The following GNAS variants were observed in gnomAD, a reference collection of about 807,000 sequenced individuals.
GNAS encodes the protein GNAS complex locus.
GNAS carries 8 observed loss-of-function variants against 54.5 expected under a neutral mutation model. The observed-to-expected ratio is 0.15, with a 90% CI of 0.09 to 0.26. GNAS has a LOEUF of 0.26. Ranked by LOEUF, GNAS falls within the 10% of genes least tolerant of loss-of-function variation. The pLI is 1.00. For synonymous variants in GNAS, 204 were observed against 191.4 expected, an observed-to-expected ratio of 1.07 and a Z score of -0.54; for missense variants, 170 against 529.8, an observed-to-expected ratio of 0.32 and a Z score of 6.67.
chr20:58,855,754 C>T (rs553421103), intron 1 of GNAS: 9 of 619,846 alleles, frequency 1.5e-5, no homozygotes, highest in Non-Finnish European at 2.6e-5. Flanking sequence ...CCCCGCCTCG[C>T]CTGGCACGGC....
chr20:58,865,279 G>A (rs1315798065), intron 1 of GNAS, among the ~76,000 whole-genome samples: 5 of 151,522 alleles, frequency 3.3e-5, no homozygotes, highest in African/African-American at 9.7e-5. Context: ...TTAGCCGGGC[G>A]TGGTGGCGGG....
chr20:58,903,875 A>C, intron 5 of GNAS, 84 bp downstream of exon 5: 1 of 1,436,438 alleles, frequency 7.0e-7, no homozygotes, highest in Non-Finnish European at 9.8e-7. Context: ...ACAGCCCTGC[A>C]CATGGGCAGG....
In GNAS at chr20:58,909,344, T is replaced by C. The variant is rs777078515; in HGVS notation, c.586-6T>C. ...GTGAGATCCATTGACCTCAATTTTG[T>C]TTCAGGACCTGCTTCGCTGCCGTGT... On this transcript the variant is annotated splice_polypyrimidine_tract_variant and splice_region_variant and intron_variant, in intron 7 of 12. Coordinates refer to ENST00000371085, the MANE Select transcript of GNAS (RefSeq NM_000516.7). The surrounding 1 kb of genome is among the most constrained non-coding windows in gnomAD (Gnocchi z 7.3). 1 of 1,612,842 alleles carries C rather than the reference T, an allele frequency of 6.2e-7. No homozygotes were observed. The highest frequency in any genetic ancestry group is 1.7e-5 in the Admixed American group (1 of 60,028).
chr20:58,900,201 A>G (rs1389594632), intron 3 of GNAS: 2 of 558,242 alleles, frequency 3.6e-6, no homozygotes, highest in Non-Finnish European at 6.4e-6. Flanking sequence ...TCTATAAGAA[A>G]TGACTAATTG....
At chr20:58,870,874 G>A (rs144768203) in intron 1 of GNAS, among the ~76,000 whole-genome samples, 13 of 152,238 alleles carry the variant, frequency 8.5e-5, no homozygotes, top group African/African-American at 3.1e-4. Context: ...TGTATTTATT[G>A]TTAAAATGAC....
intron 1 of GNAS, among the ~76,000 whole-genome samples, chr20:58,875,724 G>A (rs1186908454): frequency 2.0e-5 from 3 of 152,226 alleles, no homozygotes; most frequent in South Asian, 2.1e-4. Context: ...GGTTCAGATC[G>A]TAGCCTTCAG....
intron 1 of GNAS, chr20:58,855,153 G>A (rs1027570021): frequency 6.2e-7 from 1 of 1,612,856 alleles, no homozygotes. Flanking sequence ...CCAGCCCAAA[G>A]CCTCGCGCTC....
intron 1 of GNAS, among the ~76,000 whole-genome samples, chr20:58,881,238 C>T (rs752450837): frequency 3.3e-5 from 5 of 152,188 alleles, no homozygotes; most frequent in Non-Finnish European, 7.3e-5. Context: ...AGGGTCATTT[C>T]GGCTTTTCTA....
At chr20:58,889,475 C>G, upstream of GNAS, 1 of 367,670 alleles carries the variant, frequency 2.7e-6, no homozygotes, top group Non-Finnish European at 3.8e-6. Context: ...GGGGCGCCTC[C>G]GGGCACCCCC....
chr20:58,846,456 A>G (rs2085943934), intron 1 of GNAS, among the ~76,000 whole-genome samples: 1 of 152,220 alleles, frequency 6.6e-6, no homozygotes, highest in African/African-American at 2.4e-5. Context: ...ACCTGGTCCA[A>G]AAATTCCAAT....
At chr20:58,905,255 G>A in intron 5 of GNAS, 128 bp from the exon 6 acceptor site, 1 of 701,728 alleles carries the variant, frequency 1.4e-6, no homozygotes, top group African/African-American at 1.7e-5. Flanking sequence ...TCATTAATTG[G>A]GCTCAAAATT....
chr20:58,872,115 G>A (rs569177734), intron 1 of GNAS, among the ~76,000 whole-genome samples: 193 of 152,298 alleles, frequency 1.3e-3, no homozygotes, highest in Non-Finnish European at 2.0e-3. Flanking sequence ...GCCAAGACGG[G>A]GGCCACCACC....
At position 58,853,340 on chromosome 20, in the gene GNAS, G is replaced by A. The variant is rs745588821; in HGVS notation, c.43+12454G>A. On this transcript the variant is annotated intron_variant, in intron 1 of 12. Transcript: ENST00000306090. The surrounding 1 kb of genome is among the most constrained non-coding windows in gnomAD (Gnocchi z 4.4). The stretch of plus-strand genomic sequence containing the variant: ...ATATCCCCCCTGAAATCGGGGAACA[G>A]CCCGAGCAACCACCTTTGGAGGCCC... 3.2e-6 allele frequency: 5 copies of A among 1,551,222 alleles called. No individual in the cohort carries two copies. The South Asian group carries it at 5.9e-5, about 18-fold the overall frequency.
chr20:58,842,061 G>A, intron 1 of GNAS: 1 of 456,754 alleles, frequency 2.2e-6, no homozygotes, highest in Non-Finnish European at 3.6e-6. Context: ...CCTTGGGGAG[G>A]GGAGGCGAGG....
chr20:58,896,821 T>C (rs1031577069), intron 2 of GNAS, among the ~76,000 whole-genome samples: 9 of 152,268 alleles, frequency 5.9e-5, no homozygotes, highest in African/African-American at 2.2e-4. Flanking sequence ...TTGCTTCAGC[T>C]TCCATTTCAA....
At chr20:58,866,870 A>G (rs1188625461) in intron 1 of GNAS, among the ~76,000 whole-genome samples, 2 of 151,534 alleles carry the variant, frequency 1.3e-5, no homozygotes, top group Admixed American at 6.6e-5. Context: ...GACAATGACC[A>G]CTCTCCACTC....
intron 3 of GNAS, chr20:58,903,229 T>G (rs1009878627): frequency 8.2e-6 from 4 of 488,478 alleles, no homozygotes; most frequent in Admixed American, 3.2e-5. Flanking sequence ...AGTGTTAGTA[T>G]GTAGTGTGGG....
chr20:58,854,375 A>AGGAAAAGTACCCTCTCCGGGGTAC, intron 1 of GNAS: 1 of 1,571,752 alleles, frequency 6.4e-7, no homozygotes, highest in Non-Finnish European at 8.6e-7. Flanking sequence ...CCGCGGAGGG[A>AGGAAAAGTACCCTCTCCGGGGTAC]GGAAAAGTAC....
At chr20:58,899,058 G>T (rs2090352242) in intron 3 of GNAS, 73 bp downstream of exon 3, 2 of 1,128,884 alleles carry the variant, frequency 1.8e-6, no homozygotes, top group Non-Finnish European at 1.4e-6. Flanking sequence ...GGAAACTGAG[G>T]CCAGAGACCC....
Sources: gnomAD v4.1 joint callset for allele counts (sites outside exome capture counted in the v4.1 genomes callset) on GRCh38, gnomAD v4.1.1 for gene constraint, Gnocchi (gnomAD v3.1) non-coding constraint, MANE v1.5 for transcripts, NCBI Gene and HGNC (gene_info 2026-07-23, HGNC 2026-07-21) for gene names.